Variants in MUC5AC observed in about 807,000 individuals in gnomAD.
MUC5AC encodes mucin 5AC, oligomeric mucus/gel-forming.
Under a neutral mutation model 169.7 loss-of-function variants are expected in MUC5AC, and 158 were observed. That is an observed-to-expected ratio of 0.93 (90% CI 0.82 to 1.06). The LOEUF (loss-of-function observed/expected upper bound fraction) is 1.06. Among genes scored for constraint, MUC5AC ranks in the 50% least tolerant of loss-of-function variants. The pLI is 0.00. For synonymous variants in MUC5AC, 1,975 were observed against 1,237.0 expected, an observed-to-expected ratio of 1.60 and a Z score of -12.52; for missense variants, 4,359 against 3,089.9, an observed-to-expected ratio of 1.41 and a Z score of -9.74.
At chr11:1,176,348 C>T (rs1860687634) in intron 20 of MUC5AC, 97 bp downstream of exon 20, 1 of 398,776 alleles carries the variant, frequency 2.5e-6, no homozygotes, top group Non-Finnish European at 4.4e-6. Flanking sequence ...GCCTCTGACA[C>T]ATTAGGCCAT....
At chr11:1,163,153 C>A in intron 6 of MUC5AC, 108 bp downstream of exon 6, 1 of 1,026,452 alleles carries the variant, frequency 9.7e-7, no homozygotes, top group Non-Finnish European at 1.5e-6. Flanking sequence ...CACAGATACA[C>A]GGATGCAGCT....
In MUC5AC at chr11:1,184,568, A is replaced by T. The variant is rs1860885618; in HGVS notation, c.6423A>T (p.Glu2141Asp). The T allele has an allele frequency of 1.6e-6, 1 of 631,686 alleles. No individual in the cohort carries two copies. The highest frequency in any genetic ancestry group is 1.8e-5 in the African/African-American group (1 of 54,900). The allele number at this position is 631,686 out of a possible 1,614,324, so 39.1% of individuals were successfully genotyped here. Residue 2141 changes from glutamate to aspartate, a missense_variant, in exon 31 of 49, where the codon GAA becomes GAT. Transcript: ENST00000621226. ...PSPGPHGGDK[E>D]TYNNIIRSGE... ...CCGGACCCCATGGTGGAGACAAGGAAACCTACAACAACATCATCAGGAGTG... is the reference window on the plus strand; with the variant it reads ...CCGGACCCCATGGTGGAGACAAGGATACCTACAACAACATCATCAGGAGTG...
intron 41 of MUC5AC, 123 bp downstream of exon 41, chr11:1,197,762 T>C: frequency 1.6e-6 from 1 of 627,996 alleles, no homozygotes; most frequent in Non-Finnish European, 2.9e-6. Context: ...GGGCGTCCCC[T>C]CCTCCGCTTC....
rs1438254177 is a variant in MUC5AC at position 1,182,434 on chromosome 11, G to C, written c.4289G>C (p.Arg1430Pro). The C allele has an allele frequency of 2.5e-6, 1 of 398,520 alleles. No individual in the cohort carries two copies. Among genetic ancestry groups the C allele is most frequent in the African/African-American group, 2.1e-5 (1 of 48,616 alleles). 24.7% of individuals were successfully genotyped at this position (398,520 alleles called of 1,614,324 possible). A position where few individuals can be genotyped will look rare whatever the true frequency, so the allele number is the denominator to read the frequency against. ...GAATCACCCAGGTCGGTGGAGTGCC[G>C]AGCTGAGGACGCCCCCGGAGTGCCG... is the stretch of plus-strand genomic sequence containing the variant. The part of the protein sequence containing the change: ...VCESPRSVEC[R>P]AEDAPGVPLR... The change falls in exon 31 of 49, where the codon CGA (arginine) becomes CCA (proline). Residue 1430 changes from arginine (R) to proline (P), a missense_variant. Coordinates refer to ENST00000621226, the MANE Select transcript of MUC5AC (RefSeq NM_001304359.2).
At chr11:1,158,383 T>G (rs1860025968) in intron 1 of MUC5AC, among the ~76,000 whole-genome samples, 1 of 152,184 alleles carries the variant, frequency 6.6e-6, no homozygotes, top group Non-Finnish European at 1.5e-5. Flanking sequence ...CGACAGCACC[T>G]GGCCCACAGT....
intron 12 of MUC5AC, among the ~76,000 whole-genome samples, 162 bp from the exon 13 acceptor site, chr11:1,168,321 C>T (rs553784128): frequency 5.3e-5 from 8 of 152,324 alleles, no homozygotes; most frequent in African/African-American, 1.4e-4. Context: ...GCATGGTCCT[C>T]GCAGAAAATT....
chr11:1,168,832 T>C (rs1221110251), intron 14 of MUC5AC, 30 bp from the exon 15 acceptor site: 1 of 1,579,324 alleles, frequency 6.3e-7, no homozygotes, highest in African/African-American at 1.3e-5. Flanking sequence ...CCAGGGCGCA[T>C]GGTCCTCAAC....
In MUC5AC at chr11:1,195,218, G is replaced by A. The variant is rs768459780; in HGVS notation, c.15397G>A (p.Gly5133Arg). The change falls in exon 36 of 49, where the codon GGG (glycine) becomes AGG (arginine). Residue 5133 changes from glycine to arginine, a missense_variant. Gly to Arg is a moderately radical substitution (Grantham distance 125, BLOSUM62 -2). Coordinates refer to ENST00000621226, the MANE Select transcript of MUC5AC (RefSeq NM_001304359.2). Reference sequence around the variant, plus strand: ...CACCACAGTTGGGTCTACCACGGTCGGGCCCACCACACCGCCTGCTCCGTG... The same window carrying A: ...CACCACAGTTGGGTCTACCACGGTCAGGCCCACCACACCGCCTGCTCCGTG... Reference protein sequence around the residue: ...GPTTVGSTTVGPTTPPAPCLP... With the variant: ...GPTTVGSTTVRPTTPPAPCLP... 4 of 764,522 alleles carry A rather than the reference G, an allele frequency of 5.2e-6. No individual in the cohort carries two copies. Among genetic ancestry groups the A allele is most frequent in the South Asian group, 2.7e-5 (2 of 74,594 alleles). 47.4% of individuals were successfully genotyped at this position (764,522 alleles called of 1,614,324 possible). A position where few individuals can be genotyped will look rare whatever the true frequency, so the allele number is the denominator to read the frequency against.
chr11:1,180,529 G>A lies in MUC5AC; in HGVS notation c.3776+13G>A, dbSNP rs970677101. 65 of 398,816 alleles carry A rather than the reference G, an allele frequency of 1.6e-4. No homozygotes were observed. Among genetic ancestry groups the A allele is most frequent in the Middle Eastern group, 6.3e-4 (1 of 1,592 alleles). 24.7% of individuals were successfully genotyped at this position (398,816 alleles called of 1,614,324 possible). A position where few individuals can be genotyped will look rare whatever the true frequency, so the allele number is the denominator to read the frequency against. On this transcript the variant is annotated intron_variant, in intron 28 of 48. Transcript: ENST00000621226. The stretch of plus-strand genomic sequence containing the variant: ...ACTGCCAGTCCTGGTGAGTCCTTTG[G>A]GGGGAGGAATATGGAGCCTGCAGCA...
chr11:1,187,026 A>C lies in MUC5AC; in HGVS notation c.8881A>C (p.Thr2961Pro), dbSNP rs1860967942. ...VPTTSTISVP[T>P]TSTTSASTTS... ...TACCACCAGCACAATCTCTGTTCCT[A>C]CCACCAGCACAACTTCTGCTTCTAC... Residue 2961 changes from threonine to proline, a missense_variant, in exon 31 of 49, where the codon ACC becomes CCC. By Grantham distance (38) the Thr-to-Pro change is conservative. Transcript: ENST00000621226. The C allele has an allele frequency of 6.7e-6, 5 of 746,510 alleles. No individual in the cohort carries two copies. The highest frequency in any genetic ancestry group is 1.2e-5 in the Non-Finnish European group (5 of 409,148). 46.2% of individuals were successfully genotyped at this position (746,510 alleles called of 1,614,324 possible). A position where few individuals can be genotyped will look rare whatever the true frequency, so the allele number is the denominator to read the frequency against.
chr11:1,175,683 T>C (rs1276995018), intron 19 of MUC5AC, among the ~76,000 whole-genome samples: 4 of 132,396 alleles, frequency 3.0e-5, no homozygotes, highest in Non-Finnish European at 6.3e-5. Context: ...CACCCACTCA[T>C]GCACACACAC....
At chr11:1,180,281 G>C (rs1860786212) in intron 27 of MUC5AC, 73 bp from the exon 28 acceptor site, 1 of 398,660 alleles carries the variant, frequency 2.5e-6, no homozygotes, top group Non-Finnish European at 4.4e-6. Flanking sequence ...CTGCTTGGGG[G>C]CTGGGCGGAG....
chr11:1,160,753 G>T, intron 2 of MUC5AC, 64 bp downstream of exon 2: 2 of 1,485,646 alleles, frequency 1.3e-6, no homozygotes, highest in Non-Finnish European at 1.8e-6. Context: ...CGTGTGGCAC[G>T]GCCCCTAGGG....
Position 1,164,179 on chromosome 11 carries a change from T to G in MUC5AC, c.863T>G (p.Leu288Arg). 1 of 1,612,564 alleles carries G rather than the reference T, an allele frequency of 6.2e-7. No individual in the cohort carries two copies. Among genetic ancestry groups the G allele is most frequent in the Non-Finnish European group, 8.5e-7 (1 of 1,179,862 alleles). Residue 288 changes from leucine to arginine, a missense_variant, in exon 8 of 49, where the codon CTG becomes CGG. Coordinates refer to ENST00000621226, the MANE Select transcript of MUC5AC (RefSeq NM_001304359.2). ...GCCCTGGTGGACGTCGGCAGCTACCTGGAGGCTTGCAGGCAAGACCTCTGC... is the reference window on the plus strand; with the variant it reads ...GCCCTGGTGGACGTCGGCAGCTACCGGGAGGCTTGCAGGCAAGACCTCTGC... The part of the protein sequence containing the change: ...CVALVDVGSY[L>R]EACRQDLCFC...
Position 1,165,328 on chromosome 11 carries a change from A to T in MUC5AC, c.1156A>T (p.Thr386Ser), listed in dbSNP as rs1385376337. ...EGTVLDDIGQ[T>S]GCVPVSKCAC... ...GACGGTGCTTGACGACATCGGCCAGACCGGCTGTGTCCCTGTGTCAAAGTG... is the reference window on the plus strand; with the variant it reads ...GACGGTGCTTGACGACATCGGCCAGTCCGGCTGTGTCCCTGTGTCAAAGTG... Residue 386 changes from threonine to serine, a missense_variant, in exon 10 of 49, where the codon ACC (threonine) becomes TCC (serine). Transcript: ENST00000621226. 15 of 1,612,072 alleles carry T rather than the reference A, an allele frequency of 9.3e-6. No homozygotes were observed. The highest frequency in any genetic ancestry group is 1.2e-5 in the Non-Finnish European group (14 of 1,179,698).
At chr11:1,178,043 G>A (rs1421084328) in intron 24 of MUC5AC, among the ~76,000 whole-genome samples, 1 of 152,208 alleles carries the variant, frequency 6.6e-6, no homozygotes, top group Non-Finnish European at 1.5e-5. Flanking sequence ...CTGTGACTGG[G>A]TCTAAGTTTC....
rs1860860875 is a variant in MUC5AC at position 1,183,615 on chromosome 11, C to A, written c.5470C>A (p.Gln1824Lys). The change falls in exon 31 of 49, where the codon CAG becomes AAG. Residue 1824 changes from glutamine to lysine, a missense_variant. Coordinates refer to ENST00000621226, the MANE Select transcript of MUC5AC (RefSeq NM_001304359.2). ...EEGLVCRNQD[Q>K]QGPFKMCLNY... ...GGGCCTGGTGTGCCGGAACCAGGAC[C>A]AGCAGGGACCCTTCAAGATGTGCCT... 1 of 642,590 alleles carries A rather than the reference C, an allele frequency of 1.6e-6. No homozygotes were observed. The highest frequency in any genetic ancestry group is 1.9e-5 in the African/African-American group (1 of 53,328). 39.8% of individuals were successfully genotyped at this position (642,590 alleles called of 1,614,324 possible).
Position 1,181,189 on chromosome 11 carries a change from G to A in MUC5AC, c.3820+7G>A, listed in dbSNP as rs998422873. ...TGCACCTACAAAGCTGAGGGTGAGC[G>A]GCCGGCAGCCCCTGGGGCTGGGGTC... is the stretch of plus-strand genomic sequence containing the variant. On this transcript the variant is annotated splice_region_variant and intron_variant, in intron 29 of 48. Coordinates refer to ENST00000621226, the MANE Select transcript of MUC5AC (RefSeq NM_001304359.2). 12 of 398,636 alleles carry A rather than the reference G, an allele frequency of 3.0e-5. No homozygotes were observed. Among genetic ancestry groups the A allele is most frequent in the Non-Finnish European group, 4.9e-5 (11 of 226,126 alleles). The allele number at this position is 398,636 out of a possible 1,614,324, so 24.7% of individuals were successfully genotyped here.
At chr11:1,170,974 T>C (rs1213307501) in intron 15 of MUC5AC, among the ~76,000 whole-genome samples, 95 of 6,292 alleles carry the variant, frequency 0.015, no homozygotes, top group South Asian at 0.02. Context: ...CACTCACCCA[T>C]TCACCCCACT....
Sources: allele counts gnomAD v4.1 joint callset (sites outside exome capture counted in the v4.1 genomes callset), GRCh38; gene constraint gnomAD v4.1.1; transcripts MANE v1.5; gene names NCBI Gene and HGNC (gene_info 2026-07-23, HGNC 2026-07-21).